XAGE3: variants seen among roughly 807,000 people sequenced by gnomAD.
XAGE3 encodes the protein X antigen family member 3.
Under a neutral mutation model 9.2 loss-of-function variants are expected in XAGE3, and 6 were observed. The observed-to-expected ratio is 0.65, with a 90% confidence interval of 0.36 to 1.29. XAGE3 has a LOEUF of 1.29. Ranked by LOEUF, XAGE3 falls within the 50% of genes most tolerant of loss-of-function variation. The pLI, the probability that XAGE3 is intolerant of heterozygous loss-of-function variation, is 0.03. For missense variants in XAGE3, 70 were observed against 82.8 expected (o/e 0.85, Z 0.60); for synonymous variants, 26 against 28.2 (o/e 0.92, Z 0.25).
At chrX:52,866,088 C>G (rs1927876659) in intron 3 of XAGE3, among the ~76,000 whole-genome samples, 1 of 111,610 alleles carries the variant, frequency 9.0e-6, no homozygotes, top group Non-Finnish European at 1.9e-5. Context: ...GCATACAATA[C>G]TGTGGACACC....
intron 3 of XAGE3, among the ~76,000 whole-genome samples, 158 bp downstream of exon 3, chrX:52,866,275 A>G (rs1927881488): frequency 1.8e-5 from 2 of 112,371 alleles, no homozygotes; most frequent in South Asian, 7.4e-4. Context: ...ATGAAGCTGC[A>G]AACTATACTC....
At chrX:52,866,263 C>T (rs1927880815) in intron 3 of XAGE3, among the ~76,000 whole-genome samples, 170 bp downstream of exon 3, 1 of 112,114 alleles carries the variant, frequency 8.9e-6, no homozygotes, top group South Asian at 3.7e-4. Flanking sequence ...TTCATTATAT[C>T]CATGAAGCTG....
chrX:52,864,237 G>A (rs1218418807), intron 4 of XAGE3, among the ~76,000 whole-genome samples: 6 of 112,340 alleles, frequency 5.3e-5, no homozygotes, highest in African/African-American at 1.9e-4. Context: ...TAACTGGAGC[G>A]AAACTGATTG....
chrX:52,867,499 TA>T (rs1388977185), intron 1 of XAGE3, among the ~76,000 whole-genome samples: 1 of 111,336 alleles, frequency 9.0e-6, no homozygotes, highest in African/African-American at 3.3e-5. Flanking sequence ...ATTTCCCCCC[TA>T]AAATCAAGTT....
At chrX:52,863,225 G>T (rs1556784007) in intron 4 of XAGE3, among the ~76,000 whole-genome samples, 2 of 111,939 alleles carry the variant, frequency 1.8e-5, no homozygotes, top group Non-Finnish European at 3.8e-5. Context: ...TTAAGGTACG[G>T]TAACCATTTG....
chrX:52,867,275 G>T (rs1602016751), intron 1 of XAGE3, 134 bp from the exon 2 acceptor site: 2 of 530,641 alleles, frequency 3.8e-6, no homozygotes, highest in East Asian at 7.2e-5. Context: ...CAGGGCAAGT[G>T]TAAGTATGTG....
In XAGE3 at chrX:52,866,818, T is replaced by A. The variant is rs113953610; in HGVS notation, c.81+235A>T. ...TTTGCAAATAAGCATGAGAAGGAAA[T>A]CATGGGCAAAATCTGGGGAACACAA... is the stretch of plus-strand genomic sequence containing the variant. On this transcript the variant is annotated intron_variant, in intron 2 of 4. Coordinates refer to ENST00000346279, the MANE Select transcript of XAGE3 (RefSeq NM_133179.3). 0.11 allele frequency among the ~76,000 whole-genome samples: 12,246 copies of A among 111,393 alleles called. 549 individuals are homozygous for A. Among genetic ancestry groups the A allele is most frequent in the Non-Finnish European group, 0.15 (7,840 of 52,959 alleles).
At chrX:52,865,597 G>A (rs782049643) in intron 3 of XAGE3, among the ~76,000 whole-genome samples, 60 of 111,891 alleles carry the variant, frequency 5.4e-4, no homozygotes, top group African/African-American at 1.8e-3. Flanking sequence ...ATCGTACTTC[G>A]AGTTTTCTAA....
At position 52,866,432 on chromosome X, in the gene XAGE3, C is replaced by T; in HGVS notation, c.187+1G>A. The T allele has an allele frequency of 5.8e-6, 7 of 1,209,725 alleles. No homozygotes were observed. Among genetic ancestry groups the T allele is most frequent in the Non-Finnish European group, 7.8e-6 (7 of 894,491 alleles). On this transcript the variant is annotated splice_donor_variant, in intron 3 of 4. Transcript: ENST00000346279. LOFTEE classifies it high-confidence loss of function. ...ACATTCTTTCTTTCCCTTCCCAGCACCTTGAGTCTCAGCTGCACCCTGATC... is the reference window on the plus strand; with the variant it reads ...ACATTCTTTCTTTCCCTTCCCAGCATCTTGAGTCTCAGCTGCACCCTGATC...
At chrX:52,866,672 C>T (rs782738978) in intron 2 of XAGE3, 134 bp from the exon 3 acceptor site, 13 of 560,098 alleles carry the variant, frequency 2.3e-5, no homozygotes, top group South Asian at 9.8e-5. Context: ...TTCTCCAACA[C>T]GATTCCACAT....
chrX:52,866,550 G>GGTGTGTGT lies in XAGE3; in HGVS notation c.82-20_82-13dup. On this transcript the variant is annotated splice_polypyrimidine_tract_variant and intron_variant, in intron 2 of 4. Transcript: ENST00000346279. ...TCATCACCGGGCTCCTGGAACCAGG[G>GGTGTGTGT]GTGTGTGTGTGTGTGTGTGTGTGTG... 8.7e-7 allele frequency: 1 copy of GGTGTGTGT among 1,148,467 alleles called. No homozygotes were observed. The highest frequency in any genetic ancestry group is 1.8e-5 in the South Asian group (1 of 54,378). 94.6% of individuals were successfully genotyped at this position (1,148,467 alleles called of 1,213,427 possible).
rs782106161 is a variant in XAGE3, at chrX:52,867,123, C to G, written c.11G>C (p.Arg4Pro). Residue 4 changes from arginine to proline, a missense_variant, in exon 2 of 5, where the codon CGA (arginine) becomes CCA (proline). Coordinates refer to ENST00000346279, the MANE Select transcript of XAGE3 (RefSeq NM_133179.3). MIWRGRSTYRPRPR... is the reference protein window; with the variant it reads MIWPGRSTYRPRPR... ...CCTAGGCCTATATGTTGATCTTCCTCGCCAAATCATATTTCACACTGCAAA... is the reference window on the plus strand; with the variant it reads ...CCTAGGCCTATATGTTGATCTTCCTGGCCAAATCATATTTCACACTGCAAA... 1.7e-6 allele frequency: 2 copies of G among 1,205,582 alleles called. No homozygotes were observed. Among genetic ancestry groups the G allele is most frequent in the African/African-American group, 1.7e-5 (1 of 57,462 alleles).
intron 3 of XAGE3, among the ~76,000 whole-genome samples, chrX:52,866,225 C>T (rs1217397146): frequency 2.7e-5 from 3 of 111,901 alleles, no homozygotes; most frequent in Non-Finnish European, 3.8e-5. Context: ...TTCAAGCATA[C>T]GAAATATATT....
intron 3 of XAGE3, among the ~76,000 whole-genome samples, chrX:52,866,104 T>A (rs782234780): frequency 8.9e-6 from 1 of 112,005 alleles, no homozygotes; most frequent in African/African-American, 3.2e-5. Context: ...ACACCTTGGC[T>A]GAGAAGATCA....
chrX:52,864,854 A>C lies in XAGE3; in HGVS notation c.234T>G (p.Thr78=). ...CAGGACCATTTCCACATTCACCCCCAGTCTTTGACTGAGACAGCTCCTGGA... is the reference window on the plus strand; with the variant it reads ...CAGGACCATTTCCACATTCACCCCCCGTCTTTGACTGAGACAGCTCCTGGA... The part of the protein sequence containing the change: ...ADLQELSQSK[T]GGECGNGPDD... Residue 78 remains threonine (T), a synonymous_variant, in exon 4 of 5, where the codon ACT becomes ACG. Coordinates refer to ENST00000346279, the MANE Select transcript of XAGE3 (RefSeq NM_133179.3). 1 of 1,211,572 alleles carries C rather than the reference A, an allele frequency of 8.3e-7. No homozygotes were observed. Among genetic ancestry groups the C allele is most frequent in the Non-Finnish European group, 1.1e-6 (1 of 895,254 alleles).
intron 2 of XAGE3, among the ~76,000 whole-genome samples, 177 bp downstream of exon 2, chrX:52,866,876 C>G (rs1556784521): frequency 8.9e-6 from 1 of 112,556 alleles, no homozygotes; most frequent in Non-Finnish European, 1.9e-5. Flanking sequence ...AGAACTTAAT[C>G]CTCTTGGACT....
intron 3 of XAGE3, among the ~76,000 whole-genome samples, chrX:52,865,947 T>C (rs1927874444): frequency 1.8e-5 from 2 of 111,791 alleles, no homozygotes; most frequent in African/African-American, 6.5e-5. Flanking sequence ...GACTCAACTG[T>C]TCTTGGTAAG....
rs782101841 is a variant in XAGE3, at chrX:52,862,625, T to C, written c.329A>G (p.Gln110Arg). The C allele has an allele frequency of 1.7e-6, 2 of 1,211,216 alleles. No individual in the cohort carries two copies. Among genetic ancestry groups the C allele is most frequent in the Admixed American group, 2.2e-5 (1 of 46,045 alleles). The change falls in exon 5 of 5, where the codon CAG (glutamine) becomes CGG (arginine). Residue 110 changes from glutamine to arginine, a missense_variant. Gln to Arg is a conservative substitution (Grantham distance 43). Coordinates refer to ENST00000346279, the MANE Select transcript of XAGE3 (RefSeq NM_133179.3). The stretch of plus-strand genomic sequence containing the variant: ...GTTTCAGCTTGTCTTCATTTAAACC[T>C]GTGGTTGCCTGTCACCTATAATAGA... ...KMPEGGDRQP[Q>R]V
Position 52,867,076 on chromosome X carries a change from G to A in XAGE3, c.58C>T (p.Pro20Ser), listed in dbSNP as rs781948747. The part of the protein sequence containing the change: ...RPRPRRSVPP[P>S]ELIGPMLEPG... ...ACCAGCATAGGCCCAATCAGCTCAG[G>A]AGGTGGTACACTTCTCCTCGGCCTA... Residue 20 changes from proline (P) to serine (S), a missense_variant, in exon 2 of 5, where the codon CCT becomes TCT. Coordinates refer to ENST00000346279, the MANE Select transcript of XAGE3 (RefSeq NM_133179.3). The A allele has an allele frequency of 1.7e-6, 2 of 1,211,029 alleles. No individual in the cohort carries two copies. The highest frequency in any genetic ancestry group is 3.5e-5 in the South Asian group (2 of 56,837).
Sources: gnomAD v4.1 joint callset for allele counts (sites outside exome capture counted in the v4.1 genomes callset) on GRCh38, gnomAD v4.1.1 for gene constraint, MANE v1.5 for transcripts, NCBI Gene and HGNC (gene_info 2026-07-23, HGNC 2026-07-21) for gene names.